The following DOCK10 variants were observed in gnomAD, a reference collection of about 807,000 sequenced individuals.
DOCK10 encodes dedicator of cytokinesis protein 10.
Under a neutral mutation model 280.1 loss-of-function variants are expected in DOCK10, and 145 were observed. The ratio of observed to expected loss-of-function variants is 0.52; its 90% CI spans 0.45 to 0.59. The LOEUF is 0.59. Among genes scored for constraint, DOCK10 ranks in the 20% least tolerant of loss-of-function variants. DOCK10 has a pLI of 0.00. For missense variants in DOCK10, 2,368 were observed against 2,651.7 expected (o/e 0.89, Z 2.35); for synonymous variants, 915 against 942.2 (o/e 0.97, Z 0.53).
intron 2 of DOCK10, 105 bp from the exon 3 acceptor site, chr2:224,916,889 A>C: frequency 1.3e-6 from 1 of 796,940 alleles, no homozygotes; most frequent in South Asian, 1.6e-5. Context: ...TTAGTATTTA[A>C]AGTTAACAGA....
At chr2:225,004,618 G>C (rs948392633) in intron 1 of DOCK10, among the ~76,000 whole-genome samples, 2 of 152,338 alleles carry the variant, frequency 1.3e-5, no homozygotes, top group East Asian at 1.9e-4. Context: ...AGAAATGGGG[G>C]AGCTGTGTTT....
chr2:224,907,176 T>G (rs904914902), intron 3 of DOCK10, among the ~76,000 whole-genome samples: 1 of 152,300 alleles, frequency 6.6e-6, no homozygotes, highest in Non-Finnish European at 1.5e-5. Context: ...GGTAGGGGAA[T>G]GAAGGGAGAA....
At chr2:224,793,370 C>A in intron 46 of DOCK10, 30 bp downstream of exon 46, 6 of 1,584,536 alleles carry the variant, frequency 3.8e-6, no homozygotes, top group South Asian at 1.1e-5. Flanking sequence ...GATATCTAGG[C>A]TTTTTGCCTC....
At chr2:224,874,449 T>C (rs1698500619) in intron 9 of DOCK10, 100 bp from the exon 10 acceptor site, 1 of 990,814 alleles carries the variant, frequency 1.0e-6, no homozygotes, top group African/African-American at 1.6e-5. Context: ...ATTATCACCA[T>C]TTTAGTATTA....
At position 224,931,566 on chromosome 2, in the gene DOCK10, G is replaced by C. The variant is rs751612700; in HGVS notation, c.226C>G (p.Pro76Ala). ...AGACTTACTGAAAAGTCATCACTGG[G>C]GAAGAACAAGAGATCTTGAAGAGGA... ...NDPLQDLLFF[P>A]SDDFSAATVS... The change falls in exon 2 of 56, where the codon CCC becomes GCC. Residue 76 changes from proline to alanine, a missense_variant. Physicochemically the swap from Pro to Ala is conservative, Grantham distance 27. Around this residue, in one of 2 missense-constraint regions of DOCK10, gnomAD observed 1,209 missense variants for 1,250.9 expected, o/e 0.97. Transcript: ENST00000258390. 1 of 1,609,976 alleles carries C rather than the reference G, an allele frequency of 6.2e-7. No homozygotes were observed. The highest frequency in any genetic ancestry group is 1.1e-5 in the South Asian group (1 of 90,102).
At chr2:225,038,223 C>A (rs1233880863) in intron 1 of DOCK10, among the ~76,000 whole-genome samples, 1 of 152,038 alleles carries the variant, frequency 6.6e-6, no homozygotes, top group South Asian at 2.1e-4. Context: ...TTTGCTATCA[C>A]TTTCTGCATC....
At position 224,804,199 on chromosome 2, in the gene DOCK10, G is replaced by T; in HGVS notation, c.4181C>A (p.Ala1394Glu). The T allele has an allele frequency of 6.2e-7, 1 of 1,608,560 alleles. No homozygotes were observed. Among genetic ancestry groups the T allele is most frequent in the Non-Finnish European group, 8.5e-7 (1 of 1,176,646 alleles). Residue 1394 changes from alanine (A) to glutamate (E), a missense_variant, in exon 39 of 56, where the codon GCA becomes GAA. By Grantham distance (107) the Ala-to-Glu change is moderately radical. Coordinates refer to ENST00000258390, the MANE Select transcript of DOCK10 (RefSeq NM_014689.3). ...CTGGGTGGACTGCACAAATTTAAAT[G>T]CAGCAGCAATTTTTCTGCAATGAAA... ...KRNIIRKIAA[A>E]FKFVQSTQNN...
In DOCK10 at chr2:225,019,235, C is replaced by T. The variant is rs563523812; in HGVS notation, c.123+23017G>A. On this transcript the variant is annotated intron_variant, in intron 1 of 55. Transcript: ENST00000258390. ...CCACATCTTCAGGACCCCCGCTATC[C>T]TGTGTGGGATCTTGAATGAGTAAAG... Among the ~76,000 whole-genome samples the T allele has an allele frequency of 1.2e-3, 186 of 152,156 alleles. 2 individuals are homozygous for T. The highest frequency in any genetic ancestry group is 2.1e-4 in the South Asian group (1 of 4,822).
chr2:224,789,784 CTTT>C (rs10605253), intron 47 of DOCK10, among the ~76,000 whole-genome samples: 28 of 147,418 alleles, frequency 1.9e-4, no homozygotes, highest in Middle Eastern at 3.5e-3. Flanking sequence ...CCAATACTTG[CTTT>C]TTTTTTTTTT....
intron 1 of DOCK10, among the ~76,000 whole-genome samples, chr2:224,994,014 T>G (rs1255923028): frequency 6.6e-6 from 1 of 152,228 alleles, no homozygotes; most frequent in African/African-American, 2.4e-5. Flanking sequence ...AGAGGGCATA[T>G]CCCATGAACA....
At chr2:224,784,758 C>A (rs1236528270) in intron 50 of DOCK10, 1 of 1,289,702 alleles carries the variant, frequency 7.8e-7, no homozygotes, top group Non-Finnish European at 1.0e-6. Flanking sequence ...ACAATCAAGA[C>A]CAAAAGAAGA....
At chr2:224,918,905 ATGGTG>A (rs1701504727) in intron 2 of DOCK10, among the ~76,000 whole-genome samples, 1 of 107,014 alleles carries the variant, frequency 9.3e-6, no homozygotes, top group African/African-American at 3.7e-5. Context: ...GAATGTGTGT[ATGGTG>A]TGTGTGGTAT....
At chr2:224,896,238 C>T (rs1699979772) in intron 4 of DOCK10, 57 bp downstream of exon 4, 9 of 1,049,406 alleles carry the variant, frequency 8.6e-6, no homozygotes, top group Non-Finnish European at 1.0e-5. Flanking sequence ...AGGACTAGAA[C>T]AGAGGATGTC....
chr2:224,868,541 C>T (rs1311072242), intron 11 of DOCK10, among the ~76,000 whole-genome samples: 2 of 152,132 alleles, frequency 1.3e-5, no homozygotes, highest in Non-Finnish European at 2.9e-5. Context: ...TATTACTACA[C>T]AGACTCACTC....
intron 7 of DOCK10, among the ~76,000 whole-genome samples, chr2:224,878,942 C>G (rs1484276791): frequency 6.6e-6 from 1 of 152,200 alleles, no homozygotes; most frequent in Non-Finnish European, 1.5e-5. Flanking sequence ...TGGACAAAAA[C>G]ATAGCCAGTC....
intron 31 of DOCK10, among the ~76,000 whole-genome samples, chr2:224,811,239 C>T (rs555794797): frequency 1.8e-4 from 27 of 152,088 alleles, no homozygotes; most frequent in Non-Finnish European, 3.5e-4. Context: ...TGGCCAGTGA[C>T]GATGAGCATT....
intron 7 of DOCK10, among the ~76,000 whole-genome samples, chr2:224,884,547 G>A (rs765034684): frequency 6.6e-6 from 1 of 152,174 alleles, no homozygotes; most frequent in Admixed American, 6.5e-5. Context: ...GCAGCGATTC[G>A]AAAGCCAAAT....
chr2:224,805,667 G>T lies in DOCK10; in HGVS notation c.3815-138C>A. Reference sequence around the variant, plus strand: ...GTCAAAGACCAACATAACAGCGTCTGGGATTGGCATTAAAGCCAGCTCTTG... The same window carrying T: ...GTCAAAGACCAACATAACAGCGTCTTGGATTGGCATTAAAGCCAGCTCTTG... On this transcript the variant is annotated intron_variant, in intron 34 of 55. Coordinates refer to ENST00000258390, the MANE Select transcript of DOCK10 (RefSeq NM_014689.3). The surrounding 1 kb of genome is among the most constrained non-coding windows in gnomAD (Gnocchi z 4.3). The T allele has an allele frequency of 8.8e-7, 1 of 1,133,280 alleles. No individual in the cohort carries two copies. Among genetic ancestry groups the T allele is most frequent in the Non-Finnish European group, 1.2e-6 (1 of 812,260 alleles). The allele number at this position is 1,133,280 out of a possible 1,614,324, so 70.2% of individuals were successfully genotyped here.
In DOCK10 at chr2:224,876,165, A is replaced by C. The variant is rs1475587541; in HGVS notation, c.804T>G (p.Phe268Leu). ...FELKMNDLTY[F>L]VLAAETESDM... ...CTGACTCTGTTTCAGCTGCCAGCAC[A>C]AAATAGGTCAGATCATTCATTTTCA... Residue 268 changes from phenylalanine (F) to leucine (L), a missense_variant, in exon 8 of 56, where the codon TTT becomes TTG. This residue lies in a region of DOCK10 where 1,209 missense variants were observed against 1,250.9 expected (regional missense o/e 0.97). Transcript: ENST00000258390. The C allele has an allele frequency of 6.2e-7, 1 of 1,613,884 alleles. No individual in the cohort carries two copies. The highest frequency in any genetic ancestry group is 8.5e-7 in the Non-Finnish European group (1 of 1,179,836).
Sources: gnomAD v4.1 joint callset for allele counts (sites outside exome capture counted in the v4.1 genomes callset) on GRCh38, gnomAD v4.1.1 for gene constraint, gnomAD v4.1.1 regional missense constraint, Gnocchi (gnomAD v3.1) non-coding constraint, MANE v1.5 for transcripts, NCBI Gene and HGNC (gene_info 2026-07-23, HGNC 2026-07-21) for gene names.